Variants in MTSS1 observed in about 807,000 individuals in gnomAD.
MTSS1 encodes the protein MTSS I-BAR domain containing 1, also known as protein MTSS 1.
Under a neutral mutation model 79.0 loss-of-function variants are expected in MTSS1, and 18 were observed. That is an observed-to-expected ratio of 0.23 (90% CI 0.16 to 0.34). The LOEUF (loss-of-function observed/expected upper bound fraction) is 0.34. Ranked by LOEUF, MTSS1 falls within the 10% of genes least tolerant of loss-of-function variation. The pLI is 1.00. For synonymous variants in MTSS1, 341 were observed against 368.6 expected, an observed-to-expected ratio of 0.93 and a Z score of 0.86; for missense variants, 815 against 986.2, an observed-to-expected ratio of 0.83 and a Z score of 2.33.
chr8:124,557,925 C>T (rs1192919841), intron 10 of MTSS1, 50 bp from the exon 11 acceptor site: 1 of 1,419,816 alleles, frequency 7.0e-7, no homozygotes, highest in Admixed American at 2.0e-5. Flanking sequence ...ATTAATATAA[C>T]AGGATGAGTG....
At chr8:124,591,970 A>G (rs4007925) in intron 3 of MTSS1, among the ~76,000 whole-genome samples, 58,891 of 151,336 alleles carry the variant, frequency 0.39, 11,812 homozygotes, top group East Asian at 0.55. Flanking sequence ...TTTTTTAGTA[A>G]AGACAGAGTT....
intron 2 of MTSS1, among the ~76,000 whole-genome samples, chr8:124,702,633 C>A (rs921596510): frequency 1.3e-5 from 2 of 152,168 alleles, no homozygotes; most frequent in African/African-American, 2.4e-5. Context: ...TGGGCAGTGA[C>A]CCCTGGTGTC....
chr8:124,618,116 C>A (rs1563870485), intron 3 of MTSS1, among the ~76,000 whole-genome samples: 1 of 152,118 alleles, frequency 6.6e-6, no homozygotes, highest in Admixed American at 6.6e-5. Flanking sequence ...GGGTAAGGAA[C>A]CTGCCTGGGG....
intron 3 of MTSS1, among the ~76,000 whole-genome samples, chr8:124,646,426 A>G (rs1193023688): frequency 2.0e-5 from 3 of 152,222 alleles, no homozygotes; most frequent in African/African-American, 7.2e-5. Flanking sequence ...CCTGGGTCAC[A>G]AAGAATAACT....
chr8:124,644,046 A>G (rs1264052497), intron 3 of MTSS1, among the ~76,000 whole-genome samples: 2 of 152,184 alleles, frequency 1.3e-5, no homozygotes, highest in East Asian at 3.9e-4. Context: ...CTGATGCTTG[A>G]GTACAGAAAG....
At chr8:124,614,300 C>T (rs1216198611) in intron 3 of MTSS1, among the ~76,000 whole-genome samples, 3 of 152,054 alleles carry the variant, frequency 2.0e-5, no homozygotes, top group Non-Finnish European at 2.9e-5. Flanking sequence ...AGGCCAGGAG[C>T]TAACACCAGG....
At chr8:124,600,322 G>C (rs1260866434) in intron 3 of MTSS1, among the ~76,000 whole-genome samples, 2 of 152,028 alleles carry the variant, frequency 1.3e-5, no homozygotes, top group African/African-American at 4.8e-5. Flanking sequence ...ACAAATCTTG[G>C]TTTTCACATT....
In MTSS1 at chr8:124,597,695, G is replaced by T. The variant is rs1469014865; in HGVS notation, c.209-6460C>A. ...GAGGACTGAAAAGACGTTTTGTCAG[G>T]CCCAGCTTCTGCAGCGTGGAGGGGA... On this transcript the variant is annotated intron_variant, in intron 3 of 13. Transcript: ENST00000518547. This position sits in a 1 kb window ranked among gnomAD's most constrained non-coding sequence, Gnocchi z 4.6. Among the ~76,000 whole-genome samples the T allele has an allele frequency of 1.3e-5, 2 of 152,228 alleles. No homozygotes were observed. Among genetic ancestry groups the T allele is most frequent in the Non-Finnish European group, 2.9e-5 (2 of 68,040 alleles).
intron 3 of MTSS1, among the ~76,000 whole-genome samples, chr8:124,621,886 A>G (rs1481601053): frequency 6.6e-6 from 1 of 152,138 alleles, no homozygotes; most frequent in African/African-American, 2.4e-5. Flanking sequence ...ACTAACCCTT[A>G]GAGAGTCAGA....
chr8:124,558,986 A>G (rs1824665737), intron 10 of MTSS1, among the ~76,000 whole-genome samples: 1 of 152,218 alleles, frequency 6.6e-6, no homozygotes, highest in Non-Finnish European at 1.5e-5. Context: ...GGGGAGGATG[A>G]GAGAAGCAGA....
chr8:124,661,402 A>G (rs547461881), intron 3 of MTSS1, among the ~76,000 whole-genome samples: 1 of 152,262 alleles, frequency 6.6e-6, no homozygotes, highest in East Asian at 1.9e-4. Flanking sequence ...GGATCTAGAC[A>G]AAGAGCAAGT....
At chr8:124,599,502 A>AGC (rs1833394327) in intron 3 of MTSS1, among the ~76,000 whole-genome samples, 1 of 149,094 alleles carries the variant, frequency 6.7e-6, no homozygotes, top group East Asian at 2.0e-4. Context: ...AAAAAAAAAA[A>AGC]GAGAGAGAGA....
chr8:124,635,965 G>C (rs1162423676), intron 3 of MTSS1, among the ~76,000 whole-genome samples: 2 of 152,046 alleles, frequency 1.3e-5, no homozygotes, highest in African/African-American at 4.8e-5. Flanking sequence ...AGAACACTCA[G>C]CTCTCTAACA....
chr8:124,700,815 T>A (rs921577373), intron 2 of MTSS1, among the ~76,000 whole-genome samples: 10 of 152,204 alleles, frequency 6.6e-5, no homozygotes, highest in African/African-American at 2.4e-4. Context: ...ATCAAACTTG[T>A]AACTAAGTGT....
Position 124,553,046 on chromosome 8 carries a change from G to A in MTSS1, c.2214C>T (p.Gly738=), listed in dbSNP as rs543446175. Residue 738 remains glycine (G), a synonymous_variant, in exon 14 of 14, where the codon GGC becomes GGT. Coordinates refer to ENST00000518547, the MANE Select transcript of MTSS1 (RefSeq NM_014751.6). The surrounding 1 kb of genome is among the most constrained non-coding windows in gnomAD (Gnocchi z 6.0). ...GEDMLNAIRR[G]VKLKKTTTND... ...TTGTCGTGGTCTTCTTCAGTTTCAC[G>A]CCCCTTCGGATGGCGTTCAGCATGT... 8.7e-6 allele frequency: 14 copies of A among 1,614,050 alleles called. No individual in the cohort carries two copies. Among genetic ancestry groups the A allele is most frequent in the East Asian group, 6.7e-5 (3 of 44,884 alleles).
chr8:124,606,518 C>T (rs1834911980), intron 3 of MTSS1, among the ~76,000 whole-genome samples: 1 of 152,028 alleles, frequency 6.6e-6, no homozygotes, highest in Non-Finnish European at 1.5e-5. Context: ...AGTAACTTGC[C>T]CAAGGTCACA....
chr8:124,673,659 A>T (rs1164397827), intron 3 of MTSS1: 1 of 150,620 alleles, frequency 6.6e-6, no homozygotes, highest in African/African-American at 2.4e-5. Context: ...ACAAGAAGAG[A>T]AGGAGACCCA....
Position 124,683,675 on chromosome 8 carries a change from C to T in MTSS1, c.208+15851G>A, listed in dbSNP as rs577373347. Among the ~76,000 whole-genome samples the T allele has an allele frequency of 7.2e-5, 11 of 152,126 alleles. No homozygotes were observed. The highest frequency in any genetic ancestry group is 5.9e-4 in the Admixed American group (9 of 15,272). ...GCTGCAAATCTGTCAAGACACAGGGCGGGTGGAAACATCAGAAACCATCTT... is the reference window on the plus strand; with the variant it reads ...GCTGCAAATCTGTCAAGACACAGGGTGGGTGGAAACATCAGAAACCATCTT... On this transcript the variant is annotated intron_variant, in intron 3 of 13. Coordinates refer to ENST00000518547, the MANE Select transcript of MTSS1 (RefSeq NM_014751.6). This position sits in a 1 kb window ranked among gnomAD's most constrained non-coding sequence, Gnocchi z 4.5.
intron 3 of MTSS1, among the ~76,000 whole-genome samples, chr8:124,692,070 C>T (rs369357580): frequency 7.4e-5 from 11 of 148,254 alleles, no homozygotes; most frequent in African/African-American, 2.2e-4. Context: ...CACTCCATTA[C>T]CCAGGCTGGA....
Sources: gnomAD v4.1 joint callset for allele counts (sites outside exome capture counted in the v4.1 genomes callset) on GRCh38, gnomAD v4.1.1 for gene constraint, Gnocchi (gnomAD v3.1) non-coding constraint, MANE v1.5 for transcripts, NCBI Gene and HGNC (gene_info 2026-07-23, HGNC 2026-07-21) for gene names.